The following KHDRBS1 variants were observed in gnomAD, a reference collection of about 807,000 sequenced individuals.
KHDRBS1 encodes the protein KH RNA binding domain containing, signal transduction associated 1.
KHDRBS1 carries 7 observed loss-of-function variants against 48.4 expected under a neutral mutation model. That is an observed-to-expected ratio of 0.14 (90% CI 0.08 to 0.27). The LOEUF is 0.27. KHDRBS1 is among the 10% of genes least tolerant of loss of function. The probability of loss-of-function intolerance (pLI) is 1.00; values close to 1 mark genes in which losing one functional copy is unlikely to be tolerated. For missense variants in KHDRBS1, 458 were observed against 601.2 expected, an observed-to-expected ratio of 0.76 and a Z score of 2.49; for synonymous variants, 241 against 235.8, an observed-to-expected ratio of 1.02 and a Z score of -0.20.
At chr1:32,040,410 C>CAA (rs796170127) in intron 8 of KHDRBS1, among the ~76,000 whole-genome samples, 8 of 137,884 alleles carry the variant, frequency 5.8e-5, no homozygotes, top group African/African-American at 2.1e-4. Context: ...AAGTCCGTCT[C>CAA]AAAAAAAAAA....
At chr1:32,016,546 T>C (rs1304922683) in intron 1 of KHDRBS1, among the ~76,000 whole-genome samples, 1 of 150,536 alleles carries the variant, frequency 6.6e-6, no homozygotes, top group Non-Finnish European at 1.5e-5. Context: ...AGTATCACAG[T>C]GTTAACAGGG....
chr1:32,019,932 C>T (rs559329667), intron 1 of KHDRBS1, among the ~76,000 whole-genome samples: 21 of 152,032 alleles, frequency 1.4e-4, no homozygotes, highest in Non-Finnish European at 2.5e-4. Flanking sequence ...CCACCATGCC[C>T]GGCTGATTTT....
intron 3 of KHDRBS1, 122 bp from the exon 4 acceptor site, chr1:32,033,066 C>A: frequency 1.5e-6 from 1 of 682,918 alleles, no homozygotes; most frequent in Non-Finnish European, 2.6e-6. Context: ...CAGCTCATAC[C>A]AATTAACTTT....
chr1:32,045,433 T>C (rs1164655714), downstream of KHDRBS1: 1 of 152,640 alleles, frequency 6.6e-6, no homozygotes, highest in Non-Finnish European at 1.5e-5. Flanking sequence ...GGGCCTTTTA[T>C]CATAACTGTA....
At chr1:32,036,363 G>A (rs909450420) in intron 4 of KHDRBS1, among the ~76,000 whole-genome samples, 6 of 151,792 alleles carry the variant, frequency 4.0e-5, no homozygotes, top group Admixed American at 2.6e-4. Flanking sequence ...TAGAGATAGC[G>A]TTTCACCGTG....
At chr1:32,025,539 G>C (rs888659335) in intron 1 of KHDRBS1, among the ~76,000 whole-genome samples, 9 of 150,868 alleles carry the variant, frequency 6.0e-5, no homozygotes, top group Admixed American at 2.7e-4. Context: ...GACCTCAGGT[G>C]ATCCACCCGC....
At chr1:32,039,315 C>T (rs1557897286) in intron 7 of KHDRBS1, among the ~76,000 whole-genome samples, 200 bp from the exon 8 acceptor site, 1 of 152,076 alleles carries the variant, frequency 6.6e-6, no homozygotes, top group Non-Finnish European at 1.5e-5. Context: ...ATCCATTTTT[C>T]TTTGCAATAG....
Position 32,014,248 on chromosome 1 carries a change from C to G in KHDRBS1, c.253C>G (p.Pro85Ala). ...GACAGTGGGCGGGCCAGCGCCGACC[C>G]CGCTGCTGCCCCCCTCGGCCACAGC... is the stretch of plus-strand genomic sequence containing the variant. Reference protein sequence around the residue: ...DATVGGPAPTPLLPPSATASV... With the variant: ...DATVGGPAPTALLPPSATASV... Residue 85 changes from proline (P) to alanine (A), a missense_variant, in exon 1 of 9, where the codon CCG (proline) becomes GCG (alanine). Pro to Ala is a conservative substitution (Grantham distance 27). This residue lies in a region of KHDRBS1 where 213 missense variants were observed against 215.6 expected (regional missense o/e 0.99). Coordinates refer to ENST00000327300, the MANE Select transcript of KHDRBS1 (RefSeq NM_006559.3). 1 of 1,534,768 alleles carries G rather than the reference C, an allele frequency of 6.5e-7. No individual in the cohort carries two copies. The highest frequency in any genetic ancestry group is 8.8e-7 in the Non-Finnish European group (1 of 1,139,258).
rs143245382 is a variant in KHDRBS1, at chr1:32,050,668, A to G, written n.1301+5278A>G. On this transcript the variant is annotated intron_variant and non_coding_transcript_variant, in intron 10 of 10. Transcript: ENST00000484270. ...GCTGGTACTACAGGTGCGTGCCATC[A>G]TGCCTGGCTAATTTTTTTTATTTTT... 3.4e-3 allele frequency among the ~76,000 whole-genome samples: 523 copies of G among 151,958 alleles called. 4 individuals are homozygous for G. Among genetic ancestry groups the G allele is most frequent in the South Asian group, 0.021 (100 of 4,804 alleles).
At chr1:32,036,347 T>G (rs546641066) in intron 4 of KHDRBS1, among the ~76,000 whole-genome samples, 32 of 152,080 alleles carry the variant, frequency 2.1e-4, no homozygotes, top group African/African-American at 7.7e-4. Context: ...TTTTTTGTAT[T>G]TTTAGTAGAG....
chr1:32,022,779 A>G (rs140825694), intron 1 of KHDRBS1, among the ~76,000 whole-genome samples: 4 of 152,052 alleles, frequency 2.6e-5, no homozygotes, highest in Non-Finnish European at 4.4e-5. Context: ...GTCACCAGCT[A>G]CTCGGGAGGC....
At chr1:32,051,068 T>C (rs1406019372) in intron 10 of KHDRBS1, among the ~76,000 whole-genome samples, 1 of 152,072 alleles carries the variant, frequency 6.6e-6, no homozygotes, top group Non-Finnish European at 1.5e-5. Flanking sequence ...CAGCTAATTT[T>C]TGTATTTTTA....
chr1:32,040,410 CAA>C (rs796170127), intron 8 of KHDRBS1, among the ~76,000 whole-genome samples: 1 of 137,794 alleles, frequency 7.3e-6, no homozygotes. Flanking sequence ...AAGTCCGTCT[CAA>C]AAAAAAAAAA....
chr1:32,038,114 C>T (rs1474652049), intron 6 of KHDRBS1, 78 bp downstream of exon 6: 4 of 1,581,040 alleles, frequency 2.5e-6, no homozygotes, highest in East Asian at 2.3e-5. Context: ...GGCCTCGGTC[C>T]TTTATGTAGG....
intron 1 of KHDRBS1, among the ~76,000 whole-genome samples, chr1:32,024,558 C>T (rs2124366318): frequency 6.6e-6 from 1 of 151,958 alleles, no homozygotes; most frequent in East Asian, 1.9e-4. Context: ...AGTTCCTGGG[C>T]TCAAGCAATC....
Position 32,037,063 on chromosome 1 carries a change from C to T in KHDRBS1, c.905+20C>T, listed in dbSNP as rs1428067731. ...TCCCAGGTAAAAATAATGGAGACAC[C>T]CAGAAATAGGATGTGAATTTGACTA... On this transcript the variant is annotated intron_variant, in intron 5 of 8. Coordinates refer to ENST00000327300, the MANE Select transcript of KHDRBS1 (RefSeq NM_006559.3). 1 of 1,610,850 alleles carries T rather than the reference C, an allele frequency of 6.2e-7. No homozygotes were observed. Among genetic ancestry groups the T allele is most frequent in the Admixed American group, 1.7e-5 (1 of 59,430 alleles).
At chr1:32,049,269 T>G (rs1639390035) in intron 10 of KHDRBS1, among the ~76,000 whole-genome samples, 1 of 152,070 alleles carries the variant, frequency 6.6e-6, no homozygotes, top group African/African-American at 2.4e-5. Flanking sequence ...TTGGCCAGGC[T>G]GGTCTCGAAC....
At chr1:32,050,724 A>G (rs1639407979) in intron 10 of KHDRBS1, among the ~76,000 whole-genome samples, 3 of 152,080 alleles carry the variant, frequency 2.0e-5, no homozygotes, top group South Asian at 4.2e-4. Context: ...CATGTTGGCC[A>G]GGCCAGGCTG....
Position 32,014,397 on chromosome 1 carries a change from C to A in KHDRBS1, c.382+20C>A. 1.5e-6 allele frequency: 2 copies of A among 1,319,984 alleles called. No individual in the cohort carries two copies. Among genetic ancestry groups the A allele is most frequent in the South Asian group, 2.3e-5 (1 of 44,366 alleles). The allele number at this position is 1,319,984 out of a possible 1,614,324, so 81.8% of individuals were successfully genotyped here. A position where few individuals can be genotyped will look rare whatever the true frequency, so the allele number is the denominator to read the frequency against. On this transcript the variant is annotated intron_variant, in intron 1 of 8. Transcript: ENST00000327300. ...CGGCAGGTAAGGGGGCCTCCCGTGTCCCTCTGGGTCGCCCGGCCATCCCGG... is the reference window on the plus strand; with the variant it reads ...CGGCAGGTAAGGGGGCCTCCCGTGTACCTCTGGGTCGCCCGGCCATCCCGG...
Sources: gnomAD v4.1 joint callset for allele counts (sites outside exome capture counted in the v4.1 genomes callset) on GRCh38, gnomAD v4.1.1 for gene constraint, gnomAD v4.1.1 regional missense constraint, MANE v1.5 for transcripts, NCBI Gene and HGNC (gene_info 2026-07-23, HGNC 2026-07-21) for gene names.